The following GRHL2 variants were observed in gnomAD, a reference collection of about 807,000 sequenced individuals.
GRHL2 encodes the protein grainyhead like transcription factor 2, also known as grainyhead-like protein 2 homolog.
Under a neutral mutation model 83.8 loss-of-function variants are expected in GRHL2, and 21 were observed. The ratio of observed to expected loss-of-function variants is 0.25; its 90% CI spans 0.18 to 0.36. The LOEUF (loss-of-function observed/expected upper bound fraction) is 0.36. Among genes scored for constraint, GRHL2 ranks in the 10% least tolerant of loss-of-function variants. GRHL2 has a pLI of 1.00. For missense variants in GRHL2, 623 were observed against 781.8 expected, an observed-to-expected ratio of 0.80 and a Z score of 2.42; for synonymous variants, 280 against 278.9, an observed-to-expected ratio of 1.00 and a Z score of -0.04.
intron 1 of GRHL2, among the ~76,000 whole-genome samples, chr8:101,528,234 T>G (rs1041020804): frequency 6.6e-6 from 1 of 152,238 alleles, no homozygotes; most frequent in Admixed American, 6.5e-5. Context: ...ATTTTTTGTT[T>G]GTTTAAAAAC....
At chr8:101,658,512 G>A (rs1422076129) in intron 14 of GRHL2, among the ~76,000 whole-genome samples, 1 of 152,208 alleles carries the variant, frequency 6.6e-6, no homozygotes, top group African/African-American at 2.4e-5. Context: ...ACATGCCTGT[G>A]TGCTGGGGAC....
At chr8:101,617,901 G>C (rs1731234928) in intron 8 of GRHL2, among the ~76,000 whole-genome samples, 1 of 152,058 alleles carries the variant, frequency 6.6e-6, no homozygotes, top group Non-Finnish European at 1.5e-5. Flanking sequence ...TCAGGTCCAA[G>C]GCTTAAAGGT....
chr8:101,673,686 T>C (rs1814245544), downstream of GRHL2, among the ~76,000 whole-genome samples: 1 of 151,964 alleles, frequency 6.6e-6, no homozygotes, highest in African/African-American at 2.4e-5. Flanking sequence ...GGAATTGAAC[T>C]CAGCTCTGCA....
intron 3 of GRHL2, among the ~76,000 whole-genome samples, chr8:101,557,831 AAAGTTAGATATG>A (rs1383581464): frequency 6.6e-6 from 1 of 152,016 alleles, no homozygotes; most frequent in Non-Finnish European, 1.5e-5. Context: ...CTAAGAGGTG[AAAGTTAGATATG>A]AAGGTTTGAT....
intron 1 of GRHL2, among the ~76,000 whole-genome samples, chr8:101,497,863 T>A (rs1025798081): frequency 6.6e-6 from 1 of 152,222 alleles, no homozygotes; most frequent in Non-Finnish European, 1.5e-5. Context: ...GCTTCAGATA[T>A]GATTTTAACA....
At position 101,632,269 on chromosome 8, in the gene GRHL2, T is replaced by A. The variant is rs763171411; in HGVS notation, c.1389T>A (p.Ser463Arg). 25 of 1,613,670 alleles carry A rather than the reference T, an allele frequency of 1.5e-5. No individual in the cohort carries two copies. Among genetic ancestry groups the A allele is most frequent in the Non-Finnish European group, 2.1e-5 (25 of 1,179,848 alleles). ...CTGCCATACCTTTACAGAAGAAGAG[T>A]GACATCACCTACTTCAAAACCATGC... ...KLAAIPLQKK[S>R]DITYFKTMPD... The change falls in exon 11 of 16, where the codon AGT (serine) becomes AGA (arginine). Residue 463 changes from serine (S) to arginine (R), a missense_variant. By Grantham distance (110) the Ser-to-Arg change is moderately radical. Around this residue, in one of 8 missense-constraint regions of GRHL2, gnomAD observed 210 missense variants for 254.8 expected, o/e 0.82. Transcript: ENST00000646743.
intron 2 of GRHL2, 71 bp downstream of exon 2, chr8:101,543,507 C>G (rs746625344): frequency 3.5e-6 from 5 of 1,423,500 alleles, no homozygotes; most frequent in Non-Finnish European, 5.0e-6. Flanking sequence ...GAAGAAGGAA[C>G]AGATTGTTTG....
intron 1 of GRHL2, among the ~76,000 whole-genome samples, chr8:101,509,142 C>CTT (rs879892859): frequency 1.4e-5 from 1 of 73,110 alleles, no homozygotes; most frequent in African/African-American, 4.0e-5. Flanking sequence ...TCCTTCCTTC[C>CTT]TTCCTTCCTT....
intron 7 of GRHL2, among the ~76,000 whole-genome samples, chr8:101,594,069 C>CAAAA (rs534396520): frequency 1.0e-4 from 5 of 49,106 alleles, no homozygotes; most frequent in Non-Finnish European, 1.7e-4. Flanking sequence ...GAGTCTGTAT[C>CAAAA]AAAAAAAAAA....
rs199589210 is a variant in GRHL2 at position 101,608,729 on chromosome 8, A to ACT, written c.1098+9584_1098+9585dup. On this transcript the variant is annotated intron_variant, in intron 8 of 15. Transcript: ENST00000646743. ...TGCCAGATTTGCTTTGTCTCTGCTC[A>ACT]CTCTCTCACACACACACACACACAC... Among the ~76,000 whole-genome samples, 485 of 60,018 alleles carry ACT rather than the reference A, an allele frequency of 8.1e-3. 26 individuals are homozygous for ACT. The highest frequency in any genetic ancestry group is 0.043 in the African/African-American group (428 of 9,992). 39.4% of individuals were successfully genotyped at this position (60,018 alleles called of 152,430 possible).
At chr8:101,647,740 TTTTC>T in intron 13 of GRHL2, among the ~76,000 whole-genome samples, 1 of 152,070 alleles carries the variant, frequency 6.6e-6, no homozygotes, top group Non-Finnish European at 1.5e-5. Flanking sequence ...ATTATTTTCT[TTTTC>T]TTTTTCTTTT....
chr8:101,530,024 C>T (rs532963539), intron 1 of GRHL2, among the ~76,000 whole-genome samples: 4 of 152,266 alleles, frequency 2.6e-5, no homozygotes, highest in East Asian at 1.9e-4. Flanking sequence ...ACCCCAAAGG[C>T]GGACTCCTCT....
chr8:101,627,906 T>C (rs1300774778), intron 9 of GRHL2, among the ~76,000 whole-genome samples: 1 of 152,124 alleles, frequency 6.6e-6, no homozygotes, highest in African/African-American at 2.4e-5. Context: ...TTTTCAACTC[T>C]ATGAAGGCTG....
intron 14 of GRHL2, among the ~76,000 whole-genome samples, chr8:101,649,892 T>C (rs1476187960): frequency 1.3e-5 from 2 of 152,206 alleles, no homozygotes; most frequent in Non-Finnish European, 2.9e-5. Context: ...GATCTCTTGG[T>C]TAAGAAAAAA....
chr8:101,652,438 G>GTGTGGT (rs1563627087), intron 14 of GRHL2, among the ~76,000 whole-genome samples: 4 of 65,352 alleles, frequency 6.1e-5, no homozygotes, highest in Non-Finnish European at 1.0e-4. Flanking sequence ...GTGTGTGTCT[G>GTGTGGT]GTGTGTGTGG....
At chr8:101,549,361 T>A (rs1035357195) in intron 2 of GRHL2, among the ~76,000 whole-genome samples, 1 of 152,252 alleles carries the variant, frequency 6.6e-6, no homozygotes, top group South Asian at 2.1e-4. Flanking sequence ...CACGACAAGA[T>A]CAGACTGCAT....
rs200674096 is a variant in GRHL2 at position 101,558,677 on chromosome 8, G to T, written c.543G>T (p.Glu181Asp). The T allele has an allele frequency of 6.2e-7, 1 of 1,614,174 alleles. No individual in the cohort carries two copies. Among genetic ancestry groups the T allele is most frequent in the Non-Finnish European group, 8.5e-7 (1 of 1,180,038 alleles). Residue 181 changes from glutamate to aspartate, a missense_variant, in exon 4 of 16, where the codon GAG becomes GAT. Glu to Asp is a conservative substitution (Grantham distance 45). Around this residue, in one of 8 missense-constraint regions of GRHL2, gnomAD observed 239 missense variants for 240.5 expected, o/e 0.99. Coordinates refer to ENST00000646743, the MANE Select transcript of GRHL2 (RefSeq NM_024915.4). ...ACTATCCCCGGGGAGATGGGGAAGA[G>T]CAACGAGTGGTTATCTTTGAACAGA... ...PVHYPRGDGE[E>D]QRVVIFEQTQ... is the part of the protein sequence containing the mutation.
downstream of GRHL2, chr8:101,669,747 T>C (rs1814171484): frequency 6.6e-6 from 1 of 152,240 alleles, no homozygotes; most frequent in South Asian, 2.1e-4. Context: ...TGGTGCTTTC[T>C]GTGCAGCCAG....
intron 7 of GRHL2, among the ~76,000 whole-genome samples, chr8:101,595,892 G>A (rs1404560969): frequency 6.6e-6 from 1 of 152,014 alleles, no homozygotes. Context: ...AGGCCGAGGC[G>A]GGTGGATCAC....
Sources: gnomAD v4.1 joint callset for allele counts (sites outside exome capture counted in the v4.1 genomes callset) on GRCh38, gnomAD v4.1.1 for gene constraint, gnomAD v4.1.1 regional missense constraint, MANE v1.5 for transcripts, NCBI Gene and HGNC (gene_info 2026-07-23, HGNC 2026-07-21) for gene names.